The following TCF20 variants were observed in gnomAD, a reference collection of about 807,000 sequenced individuals.
TCF20 encodes the protein SPRE-binding protein.
TCF20 carries 3 observed loss-of-function variants against 148.6 expected under a neutral mutation model. The observed-to-expected ratio is 0.02, with a 90% CI of 0.01 to 0.05. The LOEUF is 0.05. Ranked by LOEUF, TCF20 falls within the 10% of genes least tolerant of loss-of-function variation. The pLI is 1.00. For synonymous variants in TCF20, 1,049 were observed against 909.5 expected, an observed-to-expected ratio of 1.15 and a Z score of -2.76; for missense variants, 2,350 against 2,429.3, an observed-to-expected ratio of 0.97 and a Z score of 0.69.
intron 1 of TCF20, among the ~76,000 whole-genome samples, chr22:42,319,042 G>A (rs781688761): frequency 1.2e-4 from 18 of 152,184 alleles, no homozygotes; most frequent in Non-Finnish European, 2.1e-4. Flanking sequence ...GTACTAGGGG[G>A]GCATGAGAGG....
At chr22:42,215,616 G>A (rs557543607) in intron 1 of TCF20, among the ~76,000 whole-genome samples, 9 of 151,926 alleles carry the variant, frequency 5.9e-5, no homozygotes, top group Non-Finnish European at 1.3e-4. Flanking sequence ...GACTACAGGC[G>A]CATGGCCACC....
rs1438492857 is a variant in TCF20 at position 42,270,633 on chromosome 22, T to C, written c.-331A>G. Among the ~76,000 whole-genome samples, 3 of 133,866 alleles carry C rather than the reference T, an allele frequency of 2.2e-5. No homozygotes were observed. The highest frequency in any genetic ancestry group is 4.8e-5 in the Non-Finnish European group (3 of 62,858). 87.8% of individuals were successfully genotyped at this position (133,866 alleles called of 152,430 possible). On this transcript the variant is annotated 5_prime_UTR_variant, in exon 1 of 6. Transcript: ENST00000677622. ...GGCTCGGGGTTTTTTCTCTCCATTC[T>C]CCCAACACACAGGAAATAACAGAGC... is the stretch of plus-strand genomic sequence containing the variant.
chr22:42,215,626 C>A (rs1362060098), intron 1 of TCF20, among the ~76,000 whole-genome samples: 1 of 152,060 alleles, frequency 6.6e-6, no homozygotes, highest in East Asian at 1.9e-4. Flanking sequence ...GCATGGCCAC[C>A]AGGCTCGGCT....
rs541842079 is a variant in TCF20, at chr22:42,190,849, T to C, written c.5656-11147A>G. 9.3e-4 allele frequency among the ~76,000 whole-genome samples: 141 copies of C among 152,252 alleles called. 1 individual carries two copies. The highest frequency in any genetic ancestry group is 2.9e-3 in the African/African-American group (119 of 41,540). On this transcript the variant is annotated intron_variant, in intron 2 of 5. Transcript: ENST00000677622. ...GTGATACTAATAATTTCTACCAAGG[T>C]GCCCACAAAAAAGAAAGTTCGTAAT...
chr22:42,253,491 A>G (rs1421040086), intron 1 of TCF20, among the ~76,000 whole-genome samples: 2 of 152,242 alleles, frequency 1.3e-5, no homozygotes, highest in African/African-American at 2.4e-5. Context: ...CTCAACTACT[A>G]TAATTAGATG....
intron 2 of TCF20, among the ~76,000 whole-genome samples, chr22:42,186,075 C>T (rs747334204): frequency 2.0e-5 from 3 of 152,236 alleles, no homozygotes; most frequent in Non-Finnish European, 2.9e-5. Flanking sequence ...TAAATACACA[C>T]TTAATCAATT....
chr22:42,324,185 T>C (rs1927824149), intron 1 of TCF20, among the ~76,000 whole-genome samples: 2 of 141,060 alleles, frequency 1.4e-5, no homozygotes, highest in Non-Finnish European at 3.0e-5. Flanking sequence ...ATGGAGGTTA[T>C]GGTGGTGGTG....
At chr22:42,324,492 A>G (rs1927834115) in intron 1 of TCF20, among the ~76,000 whole-genome samples, 4 of 152,080 alleles carry the variant, frequency 2.6e-5, no homozygotes, top group Admixed American at 2.0e-4. Context: ...CCACCATCTG[A>G]GAAAATAATC....
chr22:42,317,577 G>A lies in TCF20; in HGVS notation c.-37+25902C>T, dbSNP rs983113639. Among the ~76,000 whole-genome samples the A allele has an allele frequency of 1.3e-5, 2 of 152,026 alleles. No homozygotes were observed. Among genetic ancestry groups the A allele is most frequent in the Middle Eastern group, 3.2e-3 (1 of 316 alleles). On this transcript the variant is annotated intron_variant, in intron 1 of 1. Coordinates refer to the TCF20 transcript ENST00000515426. This position sits in a 1 kb window ranked among gnomAD's most constrained non-coding sequence, Gnocchi z 4.2. ...CTCACCAAGGTGGAAACTGAGGCTC[G>A]GAGAGGCCAAGTGACTGGCCCAAGG... is the stretch of plus-strand genomic sequence containing the variant.
intron 1 of TCF20, among the ~76,000 whole-genome samples, chr22:42,256,976 T>G (rs927248045): frequency 6.6e-6 from 1 of 152,140 alleles, no homozygotes; most frequent in Admixed American, 6.5e-5. Flanking sequence ...CTGGTCAACA[T>G]AGAGAGACCC....
Position 42,177,952 on chromosome 22 carries a change from A to T in TCF20, c.5749+1657T>A, listed in dbSNP as rs73887962. On this transcript the variant is annotated intron_variant, in intron 3 of 5. Transcript: ENST00000677622. The stretch of plus-strand genomic sequence containing the variant: ...TGGGGGCTGGGCACCAGAGAGACGA[A>T]GCTGTGATTAGCAGCTTGGAACTGT... Among the ~76,000 whole-genome samples, 1,032 of 152,236 alleles carry T rather than the reference A, an allele frequency of 6.8e-3. 17 individuals carry two copies. The highest frequency in any genetic ancestry group is 0.024 in the African/African-American group (993 of 41,528).
chr22:42,284,158 C>A (rs1926977628), upstream of TCF20, among the ~76,000 whole-genome samples: 1 of 152,100 alleles, frequency 6.6e-6, no homozygotes, highest in Admixed American at 6.5e-5. Context: ...GCACCCGATC[C>A]CCCCTCGCCT....
intron 4 of TCF20, among the ~76,000 whole-genome samples, 171 bp from the exon 5 acceptor site, chr22:42,168,907 A>T (rs562004733): frequency 1.1e-4 from 16 of 152,130 alleles, no homozygotes; most frequent in African/African-American, 3.9e-4. Context: ...GCAAAATGTG[A>T]CCCTTAAAAA....
intron 1 of TCF20, among the ~76,000 whole-genome samples, chr22:42,234,563 A>G (rs1297467769): frequency 6.6e-6 from 1 of 152,170 alleles, no homozygotes; most frequent in Non-Finnish European, 1.5e-5. Flanking sequence ...AACTCACCAC[A>G]ATTCCAAAAT....
At position 42,172,317 on chromosome 22, in the gene TCF20, G is replaced by A. The variant is rs117808926; in HGVS notation, c.5750-2421C>T. ...CCCTGCTGGGAGGGAAGAGTGAAGAGCAGTAGGTGTAGTAAAACCTCTTCT... is the reference window on the plus strand; with the variant it reads ...CCCTGCTGGGAGGGAAGAGTGAAGAACAGTAGGTGTAGTAAAACCTCTTCT... On this transcript the variant is annotated intron_variant, in intron 3 of 5. Coordinates refer to ENST00000677622, the MANE Select transcript of TCF20 (RefSeq NM_001378418.1). Among the ~76,000 whole-genome samples the A allele has an allele frequency of 5.6e-4, 85 of 152,334 alleles. 1 individual carries two copies. In the East Asian group the frequency reaches 0.015, roughly 27 times the overall value.
chr22:42,270,756 G>GGCGC (rs1926580127), upstream of TCF20, among the ~76,000 whole-genome samples: 1 of 144,742 alleles, frequency 6.9e-6, no homozygotes, highest in Non-Finnish European at 1.5e-5. Flanking sequence ...GCGGGGGCGG[G>GGCGC]GCGCTGGGGG....
intron 1 of TCF20, among the ~76,000 whole-genome samples, chr22:42,334,709 G>C (rs1238049706): frequency 6.6e-6 from 1 of 152,238 alleles, no homozygotes; most frequent in African/African-American, 2.4e-5. Context: ...CCTCACAAGG[G>C]TGGAATAGTC....
At chr22:42,324,058 GTGATGGAGGTTA>G (rs1927812348) in intron 1 of TCF20, among the ~76,000 whole-genome samples, 1 of 83,764 alleles carries the variant, frequency 1.2e-5, no homozygotes, top group Non-Finnish European at 2.7e-5. Flanking sequence ...GGTGGTGGTG[GTGATGGAGGTTA>G]TGGTGGTGGT....
At chr22:42,264,612 C>G (rs942953414) in intron 1 of TCF20, among the ~76,000 whole-genome samples, 7 of 152,228 alleles carry the variant, frequency 4.6e-5, no homozygotes, top group Admixed American at 3.9e-4. Context: ...ATCCAGCCCA[C>G]AGATCAAGTT....
Sources: gnomAD v4.1 joint callset for allele counts (sites outside exome capture counted in the v4.1 genomes callset) on GRCh38, gnomAD v4.1.1 for gene constraint, Gnocchi (gnomAD v3.1) non-coding constraint, MANE v1.5 for transcripts, NCBI Gene and HGNC (gene_info 2026-07-23, HGNC 2026-07-21) for gene names.